Variants in PRIMA1 observed in about 807,000 individuals in gnomAD.
PRIMA1 encodes proline-rich membrane anchor 1.
PRIMA1 carries 7 observed loss-of-function variants against 17.5 expected under a neutral mutation model. The observed-to-expected ratio is 0.40, with a 90% CI of 0.23 to 0.75. PRIMA1 has a LOEUF of 0.75. Among genes scored for constraint, PRIMA1 ranks in the 30% least tolerant of loss-of-function variants. The pLI is 0.37. For missense variants in PRIMA1, 200 were observed against 201.8 expected, an observed-to-expected ratio of 0.99 and a Z score of 0.05; for synonymous variants, 97 against 77.9, an observed-to-expected ratio of 1.25 and a Z score of -1.29.
rs1341765639 is a variant in PRIMA1 at position 93,761,883 on chromosome 14, CT to C, written c.229+17292del. ...AATTAGAAGAGTTTTGGGCTGTGCA[CT>C]TTTTTAGCAAAAACCAAGAGTGGCT... On this transcript the variant is annotated intron_variant, in intron 3 of 4. Transcript: ENST00000393140. 4.6e-5 allele frequency among the ~76,000 whole-genome samples: 7 copies of C among 152,234 alleles called. 1 individual carries two copies. Among genetic ancestry groups the C allele is most frequent in the Admixed American group, 1.3e-4 (2 of 15,292 alleles).
intron 3 of PRIMA1, among the ~76,000 whole-genome samples, chr14:93,776,791 ATTACT>A (rs1282037620): frequency 5.9e-5 from 9 of 152,204 alleles, no homozygotes; most frequent in Non-Finnish European, 1.2e-4. Context: ...AAACTTTCCA[ATTACT>A]TTATAGAGAA....
intron 2 of PRIMA1, among the ~76,000 whole-genome samples, chr14:93,787,250 C>T (rs1885551000): frequency 6.6e-6 from 1 of 152,156 alleles, no homozygotes; most frequent in South Asian, 2.1e-4. Context: ...TTTAAGAAAG[C>T]TAATTTGAAG....
At chr14:93,776,194 T>C (rs928203202) in intron 3 of PRIMA1, among the ~76,000 whole-genome samples, 1 of 152,158 alleles carries the variant, frequency 6.6e-6, no homozygotes, top group African/African-American at 2.4e-5. Flanking sequence ...TTTGAGACCA[T>C]GGATTCAGCA....
chr14:93,755,216 A>ATGTG (rs148307848), intron 3 of PRIMA1, among the ~76,000 whole-genome samples: 12 of 151,678 alleles, frequency 7.9e-5, no homozygotes, highest in Admixed American at 6.6e-4. Context: ...TTTCAAGATG[A>ATGTG]TGTGTGTGTG....
intron 3 of PRIMA1, among the ~76,000 whole-genome samples, chr14:93,744,457 A>G (rs1044614187): frequency 6.6e-6 from 1 of 152,154 alleles, no homozygotes; most frequent in African/African-American, 2.4e-5. Flanking sequence ...AGGTCTGGAG[A>G]GCCAGCCTGG....
rs751654894 is a variant in PRIMA1 at position 93,733,644 on chromosome 14, T to C, written c.359+3597A>G. On this transcript the variant is annotated intron_variant, in intron 4 of 4. Coordinates refer to ENST00000393140, the MANE Select transcript of PRIMA1 (RefSeq NM_178013.4). ...TTTACAAAGATCTCTTGGAAATTCC[T>C]AGGACTCGAGGCTATGAGAGTTAAA... Among the ~76,000 whole-genome samples the C allele has an allele frequency of 3.3e-4, 50 of 152,244 alleles. No individual in the cohort carries two copies. In the Middle Eastern group the frequency reaches 0.01, roughly 31 times the overall value.
intron 3 of PRIMA1, among the ~76,000 whole-genome samples, chr14:93,745,599 C>T (rs1349824030): frequency 6.6e-6 from 1 of 152,214 alleles, no homozygotes; most frequent in East Asian, 1.9e-4. Context: ...GGCTCAGGCC[C>T]CCACCTGGGC....
At chr14:93,772,823 TC>T (rs1203705920) in intron 3 of PRIMA1, among the ~76,000 whole-genome samples, 1 of 152,206 alleles carries the variant, frequency 6.6e-6, no homozygotes, top group Non-Finnish European at 1.5e-5. Flanking sequence ...AATCTGATGC[TC>T]CTATCTCAGC....
chr14:93,749,893 T>C (rs988853486), intron 3 of PRIMA1, among the ~76,000 whole-genome samples: 1 of 152,032 alleles, frequency 6.6e-6, no homozygotes, highest in Admixed American at 6.6e-5. Flanking sequence ...TTAGCTGGGA[T>C]AAGTAAGCTG....
intron 3 of PRIMA1, among the ~76,000 whole-genome samples, chr14:93,749,734 T>C (rs1277206199): frequency 6.6e-6 from 1 of 152,172 alleles, no homozygotes; most frequent in African/African-American, 2.4e-5. Context: ...CTTTCTCTCA[T>C]GGGGGCACTT....
Position 93,780,222 on chromosome 14 carries a change from C to A in PRIMA1, c.94-911G>T, listed in dbSNP as rs115954337. 2.3e-3 allele frequency among the ~76,000 whole-genome samples: 348 copies of A among 152,338 alleles called. 1 individual carries two copies. The highest frequency in any genetic ancestry group is 8.1e-3 in the African/African-American group (335 of 41,582). On this transcript the variant is annotated intron_variant, in intron 2 of 4. Coordinates refer to ENST00000393140, the MANE Select transcript of PRIMA1 (RefSeq NM_178013.4). The stretch of plus-strand genomic sequence containing the variant: ...ATGACCTCACAGATGTGTCTCTGAC[C>A]TCTTTATCCAGCCAGATCCTTTTGT...
rs556424094 is a variant in PRIMA1, at chr14:93,723,193, C to T, written c.360-1647G>A. 9.8e-5 allele frequency among the ~76,000 whole-genome samples: 15 copies of T among 152,290 alleles called. No individual in the cohort carries two copies. In the East Asian group the frequency reaches 2.3e-3, roughly 24 times the overall value. ...CCACAATTCCGCTATCTCATCCCCA[C>T]GGGGCTGTAGCCCAGCCCCCTCCAG... On this transcript the variant is annotated intron_variant, in intron 4 of 4. Transcript: ENST00000393140.
At chr14:93,779,491 T>C (rs1885321061) in intron 2 of PRIMA1, among the ~76,000 whole-genome samples, 180 bp from the exon 3 acceptor site, 1 of 152,158 alleles carries the variant, frequency 6.6e-6, no homozygotes, top group African/African-American at 2.4e-5. Context: ...TTGTTGGCGG[T>C]TGGCCTGGCT....
intron 3 of PRIMA1, among the ~76,000 whole-genome samples, chr14:93,744,528 GA>G (rs2076204523): frequency 6.6e-6 from 1 of 152,260 alleles, no homozygotes. Flanking sequence ...GGCCGCACTT[GA>G]AAACCACAAA....
chr14:93,732,395 A>G lies in PRIMA1; in HGVS notation c.359+4846T>C, dbSNP rs1304584840. On this transcript the variant is annotated intron_variant, in intron 4 of 4. Transcript: ENST00000393140. ...CGGGTGCCTTGCCCCTTGGAGCTTT[A>G]TCTTGATGACTCTCTGTGGTCATCA... is the stretch of plus-strand genomic sequence containing the variant. Among the ~76,000 whole-genome samples the G allele has an allele frequency of 2.0e-5, 3 of 152,184 alleles. No homozygotes were observed. The East Asian group carries it at 5.8e-4, about 29-fold the overall frequency.
chr14:93,748,072 G>A (rs954699587), intron 3 of PRIMA1, among the ~76,000 whole-genome samples: 3 of 151,862 alleles, frequency 2.0e-5, no homozygotes, highest in East Asian at 1.9e-4. Flanking sequence ...GTGTGAATGT[G>A]TATGTGTGTG....
intron 3 of PRIMA1, among the ~76,000 whole-genome samples, chr14:93,760,093 G>GC (rs1181675451): frequency 1.3e-5 from 2 of 152,230 alleles, no homozygotes; most frequent in Non-Finnish European, 2.9e-5. Flanking sequence ...AGACGGAGAG[G>GC]CAGCATAAAT....
intron 3 of PRIMA1, among the ~76,000 whole-genome samples, chr14:93,748,338 G>C (rs537277620): frequency 6.6e-6 from 1 of 152,124 alleles, no homozygotes; most frequent in Non-Finnish European, 1.5e-5. Flanking sequence ...ACCTGTGACG[G>C]CTGCATAGAC....
At chr14:93,772,759 G>T (rs1885105328) in intron 3 of PRIMA1, among the ~76,000 whole-genome samples, 1 of 152,116 alleles carries the variant, frequency 6.6e-6, no homozygotes, top group African/African-American at 2.4e-5. Flanking sequence ...TCCTGTTGAA[G>T]ATGCAGGGGA....
Sources: allele counts gnomAD v4.1 joint callset (sites outside exome capture counted in the v4.1 genomes callset), GRCh38; gene constraint gnomAD v4.1.1; transcripts MANE v1.5; gene names NCBI Gene and HGNC (gene_info 2026-07-23, HGNC 2026-07-21).